Variants in ECT2L observed in about 807,000 individuals in gnomAD.
ECT2L encodes epithelial cell transforming 2 like.
Under a neutral mutation model 122.8 loss-of-function variants are expected in ECT2L, and 126 were observed. The ratio of observed to expected loss-of-function variants is 1.03; its 90% CI spans 0.89 to 1.19. The LOEUF is 1.19. ECT2L is among the 50% of genes most tolerant of loss of function. The probability of loss-of-function intolerance (pLI) is 0.00; values close to 1 mark genes in which losing one functional copy is unlikely to be tolerated. For synonymous variants in ECT2L, 385 were observed against 381.8 expected, an observed-to-expected ratio of 1.01 and a Z score of -0.10; for missense variants, 1,012 against 1,064.1, an observed-to-expected ratio of 0.95 and a Z score of 0.68.
chr6:138,839,226 G>C (rs1776956430), intron 5 of ECT2L, among the ~76,000 whole-genome samples: 1 of 152,126 alleles, frequency 6.6e-6, no homozygotes, highest in South Asian at 2.1e-4. Context: ...CATACATTGA[G>C]ATCTGTCAAC....
intron 14 of ECT2L, 75 bp downstream of exon 14, chr6:138,876,633 G>C (rs1442936059): frequency 2.3e-6 from 2 of 859,090 alleles, no homozygotes; most frequent in African/African-American, 3.6e-5. Flanking sequence ...ATTCTGGTTA[G>C]TTCTTCATTT....
chr6:138,846,551 T>C lies in ECT2L; in HGVS notation c.777T>C (p.Ser259=), dbSNP rs780898307. 1 of 1,584,302 alleles carries C rather than the reference T, an allele frequency of 6.3e-7. No individual in the cohort carries two copies. Residue 259 remains serine (S), a synonymous_variant, in exon 8 of 22, where the codon TCT becomes TCC. Transcript: ENST00000541398. ...LETLPKRSNI[S]GSHSYPLLSK... is the part of the protein sequence containing the mutation. ...TTTTACTCCATAGAAGCAATATTTC[T>C]GGAAGCCATTCCTACCCTTTATTAT...
At chr6:138,832,813 T>G (rs1042758176) in intron 4 of ECT2L, among the ~76,000 whole-genome samples, 1 of 152,180 alleles carries the variant, frequency 6.6e-6, no homozygotes, top group African/African-American at 2.4e-5. Context: ...TTGAAGAGAT[T>G]ATGCTTCATA....
In ECT2L at chr6:138,902,850, T is replaced by C. The variant is rs1341428083; in HGVS notation, c.*223T>C. ...TGAGTCCAAAATTTTGAACTACTTC[T>C]TTTGGTAGCTGTATTTCATGGATAA... On this transcript the variant is annotated 3_prime_UTR_variant, in exon 22 of 22. Coordinates refer to ENST00000541398, the MANE Select transcript of ECT2L (RefSeq NM_001077706.3). 2.2e-6 allele frequency: 1 copy of C among 458,976 alleles called. No individual in the cohort carries two copies. Among genetic ancestry groups the C allele is most frequent in the South Asian group, 2.4e-5 (1 of 42,038 alleles). The allele number at this position is 458,976 out of a possible 1,614,324, so 28.4% of individuals were successfully genotyped here.
chr6:138,813,472 A>T (rs1775968172), intron 3 of ECT2L, 132 bp downstream of exon 3: 1 of 694,498 alleles, frequency 1.4e-6, no homozygotes, highest in African/African-American at 1.8e-5. Context: ...TTTAAACAAA[A>T]ATAAACTTAG....
rs116363229 is a variant in ECT2L at position 138,856,231 on chromosome 6, C to T, written c.1198+2077C>T. Among the ~76,000 whole-genome samples, 676 of 133,626 alleles carry T rather than the reference C, an allele frequency of 5.1e-3. 10 individuals carry two copies. Among genetic ancestry groups the T allele is most frequent in the African/African-American group, 0.018 (640 of 35,580 alleles). 87.7% of individuals were successfully genotyped at this position (133,626 alleles called of 152,430 possible). A position where few individuals can be genotyped will look rare whatever the true frequency, so the allele number is the denominator to read the frequency against. On this transcript the variant is annotated intron_variant, in intron 10 of 21. Coordinates refer to ENST00000541398, the MANE Select transcript of ECT2L (RefSeq NM_001077706.3). ...ATTCTTTTTGTCTCCCCCACCCCACCGCCCGAGATGTCTCGTTCTGTCGCC... is the reference window on the plus strand; with the variant it reads ...ATTCTTTTTGTCTCCCCCACCCCACTGCCCGAGATGTCTCGTTCTGTCGCC...
chr6:138,871,478 A>G (rs948392230), intron 13 of ECT2L, among the ~76,000 whole-genome samples: 1 of 152,284 alleles, frequency 6.6e-6, no homozygotes, highest in Non-Finnish European at 1.5e-5. Context: ...TGCTGCCCCA[A>G]ATGAACTCAG....
rs1253168224 is a variant in ECT2L, at chr6:138,843,031, C to A, written c.395C>A (p.Thr132Asn). 1.2e-6 allele frequency: 2 copies of A among 1,611,000 alleles called. No individual in the cohort carries two copies. Among genetic ancestry groups the A allele is most frequent in the Admixed American group, 1.7e-5 (1 of 59,802 alleles). ...CVKFGWFLPY[T>N]PTDNEYGAWK... ...AAGTTCGGATGGTTTCTGCCCTATA[C>A]TCCAACAGATAATGAGTATGGTGCT... Residue 132 changes from threonine (T) to asparagine (N), a missense_variant, in exon 6 of 22, where the codon ACT (threonine) becomes AAT (asparagine). Thr to Asn is a moderately conservative substitution (Grantham distance 65, BLOSUM62 0). Coordinates refer to ENST00000541398, the MANE Select transcript of ECT2L (RefSeq NM_001077706.3).
intron 10 of ECT2L, among the ~76,000 whole-genome samples, chr6:138,862,318 G>C (rs777328043): frequency 6.6e-6 from 1 of 152,080 alleles, no homozygotes; most frequent in Non-Finnish European, 1.5e-5. Flanking sequence ...TTATAATCAC[G>C]GCAGAAGGTG....
intron 20 of ECT2L, among the ~76,000 whole-genome samples, chr6:138,899,922 T>C (rs1239837411): frequency 6.6e-6 from 1 of 152,172 alleles, no homozygotes; most frequent in Non-Finnish European, 1.5e-5. Context: ...TAACCCACAC[T>C]AGAGCACAGT....
chr6:138,864,543 GA>G (rs764066896), intron 11 of ECT2L, among the ~76,000 whole-genome samples: 2 of 152,188 alleles, frequency 1.3e-5, no homozygotes, highest in Non-Finnish European at 2.9e-5. Context: ...CATAATTTAA[GA>G]AAGATAAGGA....
intron 13 of ECT2L, among the ~76,000 whole-genome samples, chr6:138,874,818 GC>G (rs1379714425): frequency 6.6e-6 from 1 of 152,106 alleles, no homozygotes; most frequent in Non-Finnish European, 1.5e-5. Context: ...TACTGGCTGG[GC>G]ACAGTGGCTC....
At chr6:138,861,490 G>T (rs1777829827) in intron 10 of ECT2L, among the ~76,000 whole-genome samples, 1 of 152,172 alleles carries the variant, frequency 6.6e-6, no homozygotes, top group Non-Finnish European at 1.5e-5. Context: ...GTGATGATGA[G>T]CTTTTTTTCA....
chr6:138,845,974 G>A (rs1359155174), intron 7 of ECT2L, among the ~76,000 whole-genome samples: 1 of 152,118 alleles, frequency 6.6e-6, no homozygotes, highest in East Asian at 1.9e-4. Context: ...AGGAGGCTGA[G>A]GTGGAAGGAT....
intron 14 of ECT2L, chr6:138,879,129 T>C: frequency 4.6e-6 from 1 of 216,810 alleles, no homozygotes; most frequent in South Asian, 6.4e-5. Context: ...TCTGTTTCAT[T>C]GATTGGCCAT....
chr6:138,850,513 G>T (rs1051057225), intron 9 of ECT2L, among the ~76,000 whole-genome samples: 2 of 103,806 alleles, frequency 1.9e-5, no homozygotes, highest in Non-Finnish European at 3.7e-5. Flanking sequence ...TCCTTTTAAG[G>T]GCATGTATGT....
intron 4 of ECT2L, among the ~76,000 whole-genome samples, chr6:138,832,706 T>A (rs1776688394): frequency 6.6e-6 from 1 of 152,172 alleles, no homozygotes; most frequent in Non-Finnish European, 1.5e-5. Context: ...CTTCTGTGAA[T>A]TTCTCAATTT....
intron 14 of ECT2L, among the ~76,000 whole-genome samples, chr6:138,880,484 G>A (rs562154386): frequency 7.9e-5 from 12 of 152,316 alleles, no homozygotes; most frequent in East Asian, 3.9e-4. Context: ...AACTGTAGCA[G>A]AGGGCTAGCT....
At chr6:138,824,789 C>T (rs1266593997) in intron 4 of ECT2L, among the ~76,000 whole-genome samples, 3 of 152,132 alleles carry the variant, frequency 2.0e-5, no homozygotes, top group Non-Finnish European at 4.4e-5. Context: ...TCTAAAACTC[C>T]ACTATCATCA....
Sources: gnomAD v4.1 joint callset for allele counts (sites outside exome capture counted in the v4.1 genomes callset) on GRCh38, gnomAD v4.1.1 for gene constraint, MANE v1.5 for transcripts, NCBI Gene and HGNC (gene_info 2026-07-23, HGNC 2026-07-21) for gene names.